Variants in MED12L observed in about 807,000 individuals in gnomAD.
MED12L encodes the protein mediator of RNA polymerase II transcription subunit 12-like protein.
MED12L carries 60 observed loss-of-function variants against 281.3 expected under a neutral mutation model. That is an observed-to-expected ratio of 0.21 (90% CI 0.17 to 0.26). The LOEUF (loss-of-function observed/expected upper bound fraction) is 0.26. Ranked by LOEUF, MED12L falls within the 10% of genes least tolerant of loss-of-function variation. MED12L has a pLI of 1.00. For synonymous variants in MED12L, 974 were observed against 987.2 expected (o/e 0.99, Z 0.25); for missense variants, 2,146 against 2,680.9 (o/e 0.80, Z 4.41).
chr3:151,213,505 T>C (rs750563526), intron 16 of MED12L: 2 of 1,614,156 alleles, frequency 1.2e-6, no homozygotes. Context: ...CCGCAAGATT[T>C]CTTTTGACTG....
intron 16 of MED12L, among the ~76,000 whole-genome samples, chr3:151,287,982 A>T (rs912078825): frequency 2.6e-5 from 4 of 152,214 alleles, no homozygotes; most frequent in Admixed American, 1.3e-4. Context: ...ATTTATTAAT[A>T]CTCTATCCCT....
intron 16 of MED12L, among the ~76,000 whole-genome samples, chr3:151,219,186 G>A (rs1456858564): frequency 6.6e-6 from 1 of 152,216 alleles, no homozygotes; most frequent in Non-Finnish European, 1.5e-5. Context: ...CCTTAGTGCA[G>A]TGTAATATCT....
chr3:151,330,596 C>T (rs576798542), intron 16 of MED12L, among the ~76,000 whole-genome samples: 64 of 152,282 alleles, frequency 4.2e-4, no homozygotes, highest in African/African-American at 1.4e-3. Flanking sequence ...TTTCTTGCCA[C>T]AAGTGTTACC....
chr3:151,276,382 C>T (rs531840705), intron 16 of MED12L, among the ~76,000 whole-genome samples: 18 of 152,340 alleles, frequency 1.2e-4, no homozygotes, highest in South Asian at 2.1e-4. Flanking sequence ...TTAAAGGAAA[C>T]ACTCCTTATT....
intron 39 of MED12L, among the ~76,000 whole-genome samples, chr3:151,396,729 A>G (rs1054276737): frequency 6.6e-6 from 1 of 152,206 alleles, no homozygotes; most frequent in Admixed American, 6.5e-5. Flanking sequence ...TTTCTTATTT[A>G]TAGCCCACTT....
intron 11 of MED12L, among the ~76,000 whole-genome samples, chr3:151,176,308 A>C (rs1169113387): frequency 6.6e-6 from 1 of 152,220 alleles, no homozygotes; most frequent in Non-Finnish European, 1.5e-5. Flanking sequence ...ACCAGCAGTA[A>C]TCACTGTTAA....
At chr3:151,158,217 A>G (rs1396094031) in intron 6 of MED12L, among the ~76,000 whole-genome samples, 1 of 152,188 alleles carries the variant, frequency 6.6e-6, no homozygotes, top group Non-Finnish European at 1.5e-5. Flanking sequence ...TGTATTTTAT[A>G]GATAGGTGAT....
intron 5 of MED12L, among the ~76,000 whole-genome samples, chr3:151,147,091 G>A (rs555335396): frequency 1.3e-5 from 2 of 152,096 alleles, no homozygotes; most frequent in Non-Finnish European, 2.9e-5. Context: ...TTTATTATGG[G>A]ACATCAAACA....
intron 16 of MED12L, among the ~76,000 whole-genome samples, chr3:151,205,973 T>A (rs978642568): frequency 6.6e-5 from 10 of 152,128 alleles, no homozygotes; most frequent in African/African-American, 2.4e-4. Flanking sequence ...AAATGGAAGA[T>A]TTTTATGATC....
intron 5 of MED12L, among the ~76,000 whole-genome samples, chr3:151,152,866 C>A (rs1179452182): frequency 6.6e-6 from 1 of 152,186 alleles, no homozygotes; most frequent in Non-Finnish European, 1.5e-5. Context: ...GTAACACCGC[C>A]AGTGACCTTT....
chr3:151,360,961 A>C (rs1247710405), intron 21 of MED12L, among the ~76,000 whole-genome samples: 2 of 152,144 alleles, frequency 1.3e-5, no homozygotes, highest in African/African-American at 4.8e-5. Flanking sequence ...AGTAATGATT[A>C]TTTGATATAT....
rs568163760 is a variant in MED12L, at chr3:151,094,360, A to G, written c.99+7335A>G. Among the ~76,000 whole-genome samples the G allele has an allele frequency of 6.6e-5, 10 of 152,314 alleles. No individual in the cohort carries two copies. In the East Asian group the frequency reaches 1.9e-3, roughly 29 times the overall value. On this transcript the variant is annotated intron_variant, in intron 2 of 44. Transcript: ENST00000687756. Reference sequence around the variant, plus strand: ...CATGATGAAAGATGTTAAAATGTCAAGTCTCTTGAGCAGTGAAGGAAGGGG... The same window carrying G: ...CATGATGAAAGATGTTAAAATGTCAGGTCTCTTGAGCAGTGAAGGAAGGGG...
At chr3:151,338,265 C>CA in intron 16 of MED12L, 2 of 1,613,910 alleles carry the variant, frequency 1.2e-6, no homozygotes, top group Non-Finnish European at 1.7e-6. Context: ...AATGACTTGA[C>CA]AGATGTAATT....
intron 16 of MED12L, among the ~76,000 whole-genome samples, chr3:151,292,606 C>G (rs1235303234): frequency 6.6e-6 from 1 of 150,914 alleles, no homozygotes; most frequent in African/African-American, 2.4e-5. Flanking sequence ...GAATTTTGCT[C>G]TTGTTGCCCA....
At chr3:151,096,775 GC>G (rs1473530562) in intron 2 of MED12L, among the ~76,000 whole-genome samples, 1 of 152,242 alleles carries the variant, frequency 6.6e-6, no homozygotes. Context: ...GCTTGTCAAA[GC>G]AGATCTGGGC....
chr3:151,385,715 G>A (rs1197132598), intron 36 of MED12L, among the ~76,000 whole-genome samples: 2 of 61,100 alleles, frequency 3.3e-5, no homozygotes, highest in Non-Finnish European at 7.6e-5. Context: ...CCTGTCTCTG[G>A]GGGGGGAAAA....
At chr3:151,214,204 A>G (rs1165110806) in intron 16 of MED12L, 1 of 1,613,848 alleles carries the variant, frequency 6.2e-7, no homozygotes, top group African/African-American at 1.3e-5. Context: ...TCCATTGAGT[A>G]GGATTCCTGC....
intron 15 of MED12L, among the ~76,000 whole-genome samples, chr3:151,193,043 TATA>T (rs1194385204): frequency 6.6e-6 from 1 of 152,224 alleles, no homozygotes; most frequent in Non-Finnish European, 1.5e-5. Context: ...TCAATATAAT[TATA>T]ATGTGTTCTT....
intron 16 of MED12L, among the ~76,000 whole-genome samples, chr3:151,250,958 T>G (rs980509203): frequency 1.3e-5 from 2 of 152,244 alleles, no homozygotes; most frequent in Non-Finnish European, 2.9e-5. Flanking sequence ...TGTTTGTTCT[T>G]TCTTTCTAGT....
Sources: allele counts gnomAD v4.1 joint callset (sites outside exome capture counted in the v4.1 genomes callset), GRCh38; gene constraint gnomAD v4.1.1; transcripts MANE v1.5; gene names NCBI Gene and HGNC (gene_info 2026-07-23, HGNC 2026-07-21).